Variants in CELF4 observed in about 807,000 individuals in gnomAD.
CELF4 encodes CUGBP Elav-like family member 4.
In CELF4, 18 loss-of-function variants were observed where a neutral mutation model predicts 59.9. That is an observed-to-expected ratio of 0.30 (90% confidence interval 0.21 to 0.45). CELF4 has a LOEUF of 0.45. Among genes scored for constraint, CELF4 ranks in the 20% least tolerant of loss-of-function variants. The probability of loss-of-function intolerance (pLI) is 1.00; values close to 1 mark genes in which losing one functional copy is unlikely to be tolerated. For missense variants in CELF4, 456 were observed against 689.0 expected (o/e 0.66, Z 3.79); for synonymous variants, 261 against 267.1 (o/e 0.98, Z 0.22).
intron 10 of CELF4, among the ~76,000 whole-genome samples, chr18:37,263,037 C>T (rs1250633026): frequency 6.6e-6 from 1 of 152,162 alleles, no homozygotes; most frequent in Non-Finnish European, 1.5e-5. Flanking sequence ...GCCTCATGCA[C>T]AGCCTTGGAA....
chr18:37,449,565 G>GCA (rs1305701235), intron 2 of CELF4, among the ~76,000 whole-genome samples: 1 of 152,162 alleles, frequency 6.6e-6, no homozygotes. Flanking sequence ...TGCTCCTGAA[G>GCA]CACACGGTCT....
At chr18:37,432,353 G>C (rs905487133) in intron 2 of CELF4, among the ~76,000 whole-genome samples, 3 of 152,222 alleles carry the variant, frequency 2.0e-5, no homozygotes, top group African/African-American at 2.4e-5. Flanking sequence ...GGGCCCAGAG[G>C]GGGAGCTTGG....
chr18:37,404,549 C>T (rs1474673875), intron 2 of CELF4, among the ~76,000 whole-genome samples: 1 of 152,186 alleles, frequency 6.6e-6, no homozygotes, highest in Non-Finnish European at 1.5e-5. Flanking sequence ...CTCCCGAAGC[C>T]ATGGGAATCT....
intron 2 of CELF4, among the ~76,000 whole-genome samples, chr18:37,424,323 C>T (rs759896509): frequency 1.5e-4 from 23 of 151,998 alleles, no homozygotes; most frequent in Admixed American, 1.3e-4. Context: ...TCACGGGAGG[C>T]TGGGGGCAGA....
intron 10 of CELF4, 146 bp downstream of exon 10, chr18:37,264,528 C>T: frequency 1.5e-6 from 1 of 672,674 alleles, no homozygotes; most frequent in Non-Finnish European, 2.6e-6. Context: ...CTCCTCACAG[C>T]ACTGCTGTCT....
chr18:37,289,401 T>C (rs184762316), intron 3 of CELF4, among the ~76,000 whole-genome samples: 1 of 152,100 alleles, frequency 6.6e-6, no homozygotes. Context: ...ATTTTGAAAA[T>C]CAAGACATAG....
At chr18:37,405,593 G>T (rs558302684) in intron 2 of CELF4, among the ~76,000 whole-genome samples, 12 of 152,380 alleles carry the variant, frequency 7.9e-5, no homozygotes, top group Admixed American at 4.6e-4. Flanking sequence ...TGCAGGGGAA[G>T]CCTTCTCTCT....
intron 2 of CELF4, among the ~76,000 whole-genome samples, chr18:37,405,012 T>C (rs1392545524): frequency 1.3e-5 from 2 of 152,290 alleles, no homozygotes; most frequent in East Asian, 3.9e-4. Flanking sequence ...AAGTCCATCA[T>C]ACACCTGCAC....
In CELF4 at chr18:37,451,700, C is replaced by T. The variant is rs147616442; in HGVS notation, c.369+33825G>A. On this transcript the variant is annotated intron_variant, in intron 2 of 12. Transcript: ENST00000420428. ...TCTCCGGGAGGGCAGTCGTACTTAG[C>T]ACCCAGTCAGCACACCCTGAAGAGC... Among the ~76,000 whole-genome samples, 283 of 152,276 alleles carry T rather than the reference C, an allele frequency of 1.9e-3. 1 individual carries two copies. Among genetic ancestry groups the T allele is most frequent in the Admixed American group, 3.3e-3 (51 of 15,306 alleles).
chr18:37,352,413 C>T lies in CELF4; in HGVS notation c.370-30532G>A, dbSNP rs1000280845. Among the ~76,000 whole-genome samples the T allele has an allele frequency of 3.9e-5, 6 of 152,028 alleles. No homozygotes were observed. The South Asian group carries it at 8.3e-4, about 21-fold the overall frequency. ...ATCTCGACACTTTGGGAGGGTGAGG[C>T]GGGAGGATCACTTGAGCCCGGGAAT... On this transcript the variant is annotated intron_variant, in intron 2 of 12. Transcript: ENST00000420428.
chr18:37,356,081 C>T (rs1469037466), intron 2 of CELF4, among the ~76,000 whole-genome samples: 1 of 152,164 alleles, frequency 6.6e-6, no homozygotes, highest in Non-Finnish European at 1.5e-5. Flanking sequence ...TGCACTGAGG[C>T]CGTTTATTTT....
Position 37,565,480 on chromosome 18 carries a change from G to T in CELF4, c.162C>A (p.Ile54=). ...GGGGGATCTGCCCAATGAACAGCTTGATGGCATCGTGGTCCTTCATGGGAA... is the reference window on the plus strand; with the variant it reads ...GGGGGATCTGCCCAATGAACAGCTTTATGGCATCGTGGTCCTTCATGGGAA... ...STIPMKDHDA[I]KLFIGQIPRN... Residue 54 remains isoleucine, a synonymous_variant, in exon 1 of 13, where the codon ATC becomes ATA. Transcript: ENST00000420428. 1 of 1,614,180 alleles carries T rather than the reference G, an allele frequency of 6.2e-7. No individual in the cohort carries two copies.
At chr18:37,420,662 C>T (rs1473461853) in intron 2 of CELF4, among the ~76,000 whole-genome samples, 5 of 152,164 alleles carry the variant, frequency 3.3e-5, no homozygotes, top group Non-Finnish European at 7.3e-5. Context: ...ACAGGTGACT[C>T]GTTCTCCAAG....
intron 3 of CELF4, among the ~76,000 whole-genome samples, chr18:37,316,364 G>C (rs140480374): frequency 5.3e-5 from 8 of 152,250 alleles, no homozygotes; most frequent in Non-Finnish European, 1.0e-4. Flanking sequence ...GTGCTTTTGG[G>C]GATAACTGGA....
chr18:37,274,684 C>T (rs980945774), intron 5 of CELF4, 121 bp downstream of exon 5: 2 of 1,482,122 alleles, frequency 1.3e-6, no homozygotes, highest in Non-Finnish European at 1.8e-6. Flanking sequence ...TGTCTGAGGC[C>T]CGGAATAAGG....
chr18:37,432,264 A>T (rs1301758365), intron 2 of CELF4, among the ~76,000 whole-genome samples: 1 of 152,208 alleles, frequency 6.6e-6, no homozygotes, highest in Admixed American at 6.5e-5. Flanking sequence ...GCCACCCGCC[A>T]ATGTGGGGGC....
chr18:37,280,660 A>C (rs1313584388), intron 3 of CELF4, among the ~76,000 whole-genome samples: 1 of 152,194 alleles, frequency 6.6e-6, no homozygotes, highest in Non-Finnish European at 1.5e-5. Flanking sequence ...ACAAGCCCAC[A>C]CCAGAATTTG....
At chr18:37,305,894 A>G (rs1445674640) in intron 3 of CELF4, 1 of 152,144 alleles carries the variant, frequency 6.6e-6, no homozygotes, top group African/African-American at 2.4e-5. Context: ...CTCTCTTCTA[A>G]TTGTTTCCTT....
At chr18:37,523,269 GACATGGATC>G (rs1381337586) in intron 1 of CELF4, among the ~76,000 whole-genome samples, 5 of 152,182 alleles carry the variant, frequency 3.3e-5, no homozygotes, top group Admixed American at 3.3e-4. Flanking sequence ...AGTGACAGTT[GACATGGATC>G]CATTCTCATG....
Sources: allele counts gnomAD v4.1 joint callset (sites outside exome capture counted in the v4.1 genomes callset), GRCh38; gene constraint gnomAD v4.1.1; transcripts MANE v1.5; gene names NCBI Gene and HGNC (gene_info 2026-07-23, HGNC 2026-07-21).